The following SYT3 variants were observed in gnomAD, a reference collection of about 807,000 sequenced individuals.
SYT3 encodes the protein synaptotagmin-3.
In SYT3, 25 loss-of-function variants were observed where a neutral mutation model predicts 50.6. That is an observed-to-expected ratio of 0.49 (90% CI 0.36 to 0.69). The LOEUF (loss-of-function observed/expected upper bound fraction) is 0.69. SYT3 is among the 30% of genes least tolerant of loss of function. The probability of loss-of-function intolerance (pLI) is 0.00; values close to 1 mark genes in which losing one functional copy is unlikely to be tolerated. For missense variants in SYT3, 589 were observed against 793.6 expected, an observed-to-expected ratio of 0.74 and a Z score of 3.10; for synonymous variants, 323 against 353.9, an observed-to-expected ratio of 0.91 and a Z score of 0.98.
chr19:50,625,765 CCCTCA>C lies in SYT3; in HGVS notation c.1402+127_1402+131del. The C allele has an allele frequency of 7.2e-6, 5 of 693,162 alleles. 1 individual carries two copies. Among genetic ancestry groups the C allele is most frequent in the Non-Finnish European group, 9.0e-6 (4 of 443,452 alleles). The allele number at this position is 693,162 out of a possible 1,614,324, so 42.9% of individuals were successfully genotyped here. On this transcript the variant is annotated intron_variant, in intron 7 of 10. Transcript: ENST00000600079. This position sits in a 1 kb window ranked among gnomAD's most constrained non-coding sequence, Gnocchi z 7.5. Reference sequence around the variant, plus strand: ...GGAGTCCAGGCCCCTGGCCCCTCCTCCCTCAGACCCAGGAGTCCAGATCCCCAGCT... The same window carrying C: ...GGAGTCCAGGCCCCTGGCCCCTCCTCGACCCAGGAGTCCAGATCCCCAGCT...
chr19:50,649,296 C>G, the SYT3 span: 1 of 750,710 alleles, frequency 1.3e-6, no homozygotes, highest in African/African-American at 1.7e-5. Context: ...TCCACATGGT[C>G]TCAGCCTTCC....
At position 50,625,704 on chromosome 19, in the gene SYT3, A is replaced by G. The variant is rs986466522; in HGVS notation, c.1403-140T>C. ...CCCAGTCCCTCCTTCCTCAGGCCCA[A>G]GAGTCCAGACCCCAGGTCCTCCTCT... On this transcript the variant is annotated intron_variant, in intron 7 of 10. Transcript: ENST00000600079. This position sits in a 1 kb window ranked among gnomAD's most constrained non-coding sequence, Gnocchi z 7.5. The G allele has an allele frequency of 1.2e-4, 161 of 1,396,360 alleles. No homozygotes were observed. The highest frequency in any genetic ancestry group is 1.5e-4 in the Non-Finnish European group (155 of 1,043,066). The allele number at this position is 1,396,360 out of a possible 1,614,324, so 86.5% of individuals were successfully genotyped here.
chr19:50,627,298 C>G (rs1395232212), intron 6 of SYT3, among the ~76,000 whole-genome samples: 6 of 152,220 alleles, frequency 3.9e-5, no homozygotes, highest in Non-Finnish European at 8.8e-5. Context: ...CCCCACAGCC[C>G]TGCAGAGGCT....
Position 50,625,756 on chromosome 19 carries a change from GCC to G in SYT3, c.1402+139_1402+140del. 3.3e-6 allele frequency: 3 copies of G among 921,914 alleles called. No homozygotes were observed. Among genetic ancestry groups the G allele is most frequent in the Non-Finnish European group, 3.2e-6 (2 of 632,148 alleles). The allele number at this position is 921,914 out of a possible 1,614,324, so 57.1% of individuals were successfully genotyped here. A position where few individuals can be genotyped will look rare whatever the true frequency, so the allele number is the denominator to read the frequency against. On this transcript the variant is annotated intron_variant, in intron 7 of 10. Transcript: ENST00000600079. This position sits in a 1 kb window ranked among gnomAD's most constrained non-coding sequence, Gnocchi z 7.5. ...TCCGACCCAGGAGTCCAGGCCCCTG[GCC>G]CCTCCTCCCTCAGACCCAGGAGTCC...
the SYT3 span, among the ~76,000 whole-genome samples, chr19:50,657,271 C>T: frequency 6.6e-6 from 1 of 152,176 alleles, no homozygotes; most frequent in African/African-American, 2.4e-5. Context: ...TCAGTCTCCA[C>T]CCCATCACTC....
At chr19:50,657,844 C>G in the SYT3 span, 1 of 1,058,268 alleles carries the variant, frequency 9.4e-7, no homozygotes, top group Non-Finnish European at 1.3e-6. Flanking sequence ...AGCGACAGTA[C>G]CCTGGGATTA....
At chr19:50,644,243 G>C (rs1003270348), upstream of SYT3, among the ~76,000 whole-genome samples, 6 of 152,214 alleles carry the variant, frequency 3.9e-5, no homozygotes, top group African/African-American at 1.4e-4. Context: ...GTGCATGACT[G>C]GATAGATGCT....
chr19:50,625,270 G>T lies in SYT3; in HGVS notation c.1599C>A (p.Gly533=), dbSNP rs1459882646. Residue 533 remains glycine, a synonymous_variant, in exon 9 of 11, where the codon GGC becomes GGA. Coordinates refer to ENST00000600079, the MANE Select transcript of SYT3 (RefSeq NM_001160329.2). The surrounding 1 kb of genome is among the most constrained non-coding windows in gnomAD (Gnocchi z 7.5). The part of the protein sequence containing the change: ...YDCIGHNEVI[G]VCRVGPDAAD... The stretch of plus-strand genomic sequence containing the variant: ...CAGCGTCGGGGCCCACACGGCACAC[G>T]CCGATCACCTCGTTGTGCCCGATGC... 6.5e-7 allele frequency: 1 copy of T among 1,546,544 alleles called. No homozygotes were observed.
At chr19:50,628,858 CTT>C (rs1984171350) in intron 6 of SYT3, among the ~76,000 whole-genome samples, 1 of 144,378 alleles carries the variant, frequency 6.9e-6, no homozygotes, top group Admixed American at 7.1e-5. Context: ...GAGTTTCGCT[CTT>C]GTTGCCTACG....
rs1268239922 is a variant in SYT3 at position 50,625,380 on chromosome 19, C to A, written c.1574+13G>T. On this transcript the variant is annotated intron_variant, in intron 8 of 10. Transcript: ENST00000600079. This position sits in a 1 kb window ranked among gnomAD's most constrained non-coding sequence, Gnocchi z 7.5. ...CCCTCCTGCCTGACCCCCGCCCGGG[C>A]CGCGCCCCTCACCAGTCGTAGTCTA... 1.3e-6 allele frequency: 2 copies of A among 1,544,078 alleles called. No homozygotes were observed. The highest frequency in any genetic ancestry group is 2.0e-5 in the Admixed American group (1 of 50,426).
rs1451252800 is a variant in SYT3, at chr19:50,632,021, C to T, written c.674+265G>A. ...TCTCCTCTACTTTCCTGTCCTAAGT[C>T]CTGCCCCCAGTCTCCTCCCTCTGGA... On this transcript the variant is annotated intron_variant, in intron 4 of 10. Coordinates refer to ENST00000600079, the MANE Select transcript of SYT3 (RefSeq NM_001160329.2). This position sits in a 1 kb window ranked among gnomAD's most constrained non-coding sequence, Gnocchi z 4.7. Among the ~76,000 whole-genome samples, 1 of 152,086 alleles carries T rather than the reference C, an allele frequency of 6.6e-6. No homozygotes were observed. The highest frequency in any genetic ancestry group is 2.4e-5 in the African/African-American group (1 of 41,412).
At chr19:50,649,199 CAGAG>C in the SYT3 span, among the ~76,000 whole-genome samples, 1 of 151,284 alleles carries the variant, frequency 6.6e-6, no homozygotes, top group Non-Finnish European at 1.5e-5. Flanking sequence ...CTCTAGGAGA[CAGAG>C]AGAGATAGGA....
chr19:50,631,010 A>G (rs1984282045), intron 4 of SYT3, among the ~76,000 whole-genome samples: 1 of 152,028 alleles, frequency 6.6e-6, no homozygotes, highest in African/African-American at 2.4e-5. Context: ...TTCTACACCC[A>G]GAGCTGAGCC....
the SYT3 span, chr19:50,656,132 C>T: frequency 4.6e-6 from 7 of 1,536,150 alleles, no homozygotes; most frequent in South Asian, 1.2e-5. Flanking sequence ...CGTGAGTTGT[C>T]CCTGGCCCCC....
intron 4 of SYT3, among the ~76,000 whole-genome samples, chr19:50,631,596 C>A (rs1568764460): frequency 6.6e-6 from 1 of 152,132 alleles, no homozygotes; most frequent in Non-Finnish European, 1.5e-5. Flanking sequence ...GCCTGGGCCT[C>A]TCCTTTCACC....
chr19:50,627,213 C>T (rs895071394), intron 6 of SYT3, among the ~76,000 whole-genome samples: 1 of 152,116 alleles, frequency 6.6e-6, no homozygotes, highest in Non-Finnish European at 1.5e-5. Flanking sequence ...CCCAGGCTGT[C>T]CCTCTGCCAG....
chr19:50,639,996 T>C (rs916703402), upstream of SYT3, among the ~76,000 whole-genome samples: 5 of 152,106 alleles, frequency 3.3e-5, no homozygotes, highest in Non-Finnish European at 7.4e-5. The surrounding 1 kb of genome is among the most constrained non-coding windows in gnomAD (Gnocchi z 4.6). Flanking sequence ...TGCCCGGGAC[T>C]AAGGCAGCAG....
intron 6 of SYT3, 65 bp downstream of exon 6, chr19:50,629,229 G>A (rs1984184917): frequency 3.0e-6 from 4 of 1,334,010 alleles, no homozygotes; most frequent in East Asian, 2.4e-5. Flanking sequence ...TGAGGGCAGG[G>A]GGCTTGCAAC....
Position 50,632,423 on chromosome 19 carries a change from G to T in SYT3, c.537C>A (p.Val179=), listed in dbSNP as rs1984341801. The T allele has an allele frequency of 6.2e-7, 1 of 1,613,650 alleles. No homozygotes were observed. Among genetic ancestry groups the T allele is most frequent in the Non-Finnish European group, 8.5e-7 (1 of 1,179,938 alleles). Residue 179 remains valine, a synonymous_variant, in exon 4 of 11, where the codon GTC becomes GTA. Transcript: ENST00000600079. This position sits in a 1 kb window ranked among gnomAD's most constrained non-coding sequence, Gnocchi z 4.7. ...GCTCAGGGGATGTTTGGCTCGGTTT[G>T]ACCCCAGCGGCCACTGCTGCTGCTG... The part of the protein sequence containing the change: ...EAAAAAVAAG[V]KPSQTSPELP...
Sources: allele counts gnomAD v4.1 joint callset (sites outside exome capture counted in the v4.1 genomes callset), GRCh38; gene constraint gnomAD v4.1.1; non-coding constraint Gnocchi (gnomAD v3.1); transcripts MANE v1.5; gene names NCBI Gene and HGNC (gene_info 2026-07-23, HGNC 2026-07-21).